SYNE1: variants seen among roughly 807,000 people sequenced by gnomAD.
The protein encoded by SYNE1 is nesprin-1.
In SYNE1, 616 loss-of-function variants were observed where a neutral mutation model predicts 1,111.0. That is an observed-to-expected ratio of 0.55 (90% CI 0.52 to 0.59). The LOEUF (loss-of-function observed/expected upper bound fraction) is 0.59, where lower values mean the gene tolerates loss of function less well. Among genes scored for constraint, SYNE1 ranks in the 20% least tolerant of loss-of-function variants. The pLI, the probability that SYNE1 is intolerant of heterozygous loss-of-function variation, is 0.00. For missense variants in SYNE1, 10,006 were observed against 10,417.0 expected (o/e 0.96, Z 1.72); for synonymous variants, 3,855 against 3,825.8 (o/e 1.01, Z -0.28).
At chr6:152,448,726 C>T (rs1278014282) in intron 28 of SYNE1, among the ~76,000 whole-genome samples, 1 of 152,104 alleles carries the variant, frequency 6.6e-6, no homozygotes, top group Non-Finnish European at 1.5e-5. Context: ...ACTACAGTCC[C>T]AGCTACTCAA....
In SYNE1 at chr6:152,381,150, C is replaced by A. The variant is rs758428038; in HGVS notation, c.8865G>T (p.Glu2955Asp). 2.5e-6 allele frequency: 4 copies of A among 1,614,084 alleles called. No individual in the cohort carries two copies. The highest frequency in any genetic ancestry group is 3.4e-6 in the Non-Finnish European group (4 of 1,180,056). The part of the protein sequence containing the change: ...ENLVSQMALS[E>D]QEFSGQVAQL... ...GAGCCACTTGGCCTGAGAATTCCTG[C>A]TCCGAAAGGGCCATCTGGCTGACCA... The change falls in exon 56 of 146, where the codon GAG (glutamate) becomes GAT (aspartate). Residue 2955 changes from glutamate (E) to aspartate (D), a missense_variant. Around this residue, in one of 7 missense-constraint regions of SYNE1, gnomAD observed 4,955 missense variants for 5,017.2 expected, o/e 0.99. Transcript: ENST00000367255.
intron 3 of SYNE1, among the ~76,000 whole-genome samples, chr6:152,588,846 C>T (rs2099548813): frequency 6.6e-6 from 1 of 152,136 alleles, no homozygotes. Context: ...TGGGAGGGCA[C>T]CCAGCACTAA....
chr6:152,412,832 G>A (rs1192388330), intron 42 of SYNE1, among the ~76,000 whole-genome samples: 1 of 149,340 alleles, frequency 6.7e-6, no homozygotes, highest in African/African-American at 2.5e-5. Context: ...CCTGCTTTAA[G>A]CATTCAATTT....
intron 3 of SYNE1, among the ~76,000 whole-genome samples, chr6:152,550,620 G>T (rs2099339531): frequency 6.6e-6 from 1 of 151,632 alleles, no homozygotes; most frequent in South Asian, 2.1e-4. Context: ...ATGGGCCTCA[G>T]TTTTGTAACT....
intron 98 of SYNE1, chr6:152,277,818 C>T: frequency 1.9e-6 from 1 of 512,850 alleles, no homozygotes; most frequent in Non-Finnish European, 3.6e-6. Context: ...CAGTTCCTCT[C>T]CTCTCATTGT....
chr6:152,180,812 C>T (rs536462173), intron 128 of SYNE1, among the ~76,000 whole-genome samples: 2 of 152,214 alleles, frequency 1.3e-5, no homozygotes, highest in South Asian at 2.1e-4. Context: ...CCAAGCGAAG[C>T]GGCCTGAAAT....
intron 22 of SYNE1, among the ~76,000 whole-genome samples, chr6:152,457,713 A>G (rs1014122296): frequency 6.6e-6 from 1 of 152,024 alleles, no homozygotes. Flanking sequence ...TTATATGTAT[A>G]TAAATATATA....
intron 12 of SYNE1, among the ~76,000 whole-genome samples, chr6:152,486,913 T>C (rs1293879102): frequency 6.6e-6 from 1 of 152,208 alleles, no homozygotes; most frequent in Non-Finnish European, 1.5e-5. Context: ...TGAAATATGA[T>C]GTCGAGTAGA....
chr6:152,431,018 G>T (rs2098423798), intron 34 of SYNE1, among the ~76,000 whole-genome samples: 1 of 152,124 alleles, frequency 6.6e-6, no homozygotes, highest in South Asian at 2.1e-4. Context: ...AAGGTACAGA[G>T]AATTATGTTT....
intron 138 of SYNE1, among the ~76,000 whole-genome samples, 197 bp downstream of exon 138, chr6:152,143,426 G>A (rs554746658): frequency 1.2e-4 from 19 of 152,176 alleles, no homozygotes; most frequent in Admixed American, 2.6e-4. Context: ...CAACAGTTTT[G>A]TGGGCCTAAA....
intron 3 of SYNE1, among the ~76,000 whole-genome samples, chr6:152,579,932 G>A (rs1184254095): frequency 2.6e-5 from 4 of 152,144 alleles, no homozygotes; most frequent in Admixed American, 6.5e-5. Flanking sequence ...TCGATGGGCC[G>A]ATTCCATGTC....
chr6:152,354,778 T>G lies in SYNE1; in HGVS notation c.10807A>C (p.Met3603Leu). The change falls in exon 67 of 146, where the codon ATG becomes CTG. Residue 3603 changes from methionine (M) to leucine (L), a missense_variant. Physicochemically the swap from Met to Leu is conservative, Grantham distance 15. Around this residue, in one of 7 missense-constraint regions of SYNE1, gnomAD observed 4,955 missense variants for 5,017.2 expected, o/e 0.99. Transcript: ENST00000367255. ...TCTACTTGCTGAAACTTTTGCTCCA[T>G]TAGCCTCAATTTGTTCACCACGTTA... ...FNNVVNKLRL[M>L]EQKFQQVDEW... The G allele has an allele frequency of 6.2e-7, 1 of 1,614,254 alleles. No homozygotes were observed. Among genetic ancestry groups the G allele is most frequent in the African/African-American group, 1.3e-5 (1 of 75,068 alleles).
intron 39 of SYNE1, among the ~76,000 whole-genome samples, chr6:152,422,684 T>C (rs997841673): frequency 1.3e-5 from 2 of 151,956 alleles, no homozygotes; most frequent in South Asian, 4.2e-4. Context: ...TTGAAAAAAA[T>C]TTATTGTAAA....
intron 9 of SYNE1, among the ~76,000 whole-genome samples, chr6:152,504,386 A>G (rs960317693): frequency 1.3e-5 from 2 of 152,192 alleles, no homozygotes; most frequent in Admixed American, 1.3e-4. Flanking sequence ...TTTTAGAGCT[A>G]GGGAAGTTCA....
In SYNE1 at chr6:152,458,911, G is replaced by A. The variant is rs201508577; in HGVS notation, c.2414C>T (p.Pro805Leu). 2.7e-5 allele frequency: 43 copies of A among 1,613,936 alleles called. No homozygotes were observed. The East Asian group carries it at 9.1e-4, about 34-fold the overall frequency. Residue 805 changes from proline to leucine, a missense_variant, in exon 22 of 146, where the codon CCA becomes CTA. This residue lies in a region of SYNE1 where 1,971 missense variants were observed against 2,084.1 expected (regional missense o/e 0.95). Transcript: ENST00000367255. ...CAGCTGCTGAGACTCATAAAGGAGTGGGGAGTAACATTCTTTGACCTTTAA... is the reference window on the plus strand; with the variant it reads ...CAGCTGCTGAGACTCATAAAGGAGTAGGGAGTAACATTCTTTGACCTTTAA... ...QLTKVKECYS[P>L]LLYESQQLLI...
At chr6:152,132,940 A>G (rs966950147) in intron 143 of SYNE1, among the ~76,000 whole-genome samples, 1 of 151,886 alleles carries the variant, frequency 6.6e-6, no homozygotes, top group Non-Finnish European at 1.5e-5. Flanking sequence ...TACAAAACTC[A>G]GATACAACAA....
intron 81 of SYNE1, among the ~76,000 whole-genome samples, chr6:152,323,995 A>T (rs940568817): frequency 2.0e-5 from 3 of 149,518 alleles, no homozygotes; most frequent in Admixed American, 6.6e-5. Context: ...AAAAAGCTTT[A>T]AAAAAAAACT....
chr6:152,124,748 T>C (rs1024960308), intron 145 of SYNE1, among the ~76,000 whole-genome samples: 5 of 152,172 alleles, frequency 3.3e-5, no homozygotes, highest in Non-Finnish European at 7.3e-5. Context: ...AAGTATGTCA[T>C]ATACCTTATT....
In SYNE1 at chr6:152,505,289, C is replaced by T; in HGVS notation, c.690G>A (p.Val230=). The change falls in exon 9 of 146, where the codon GTG becomes GTA. Residue 230 remains valine, a synonymous_variant. Coordinates refer to ENST00000367255, the MANE Select transcript of SYNE1 (RefSeq NM_182961.4). ...IRPELVDLET[V]KGRSNRENLE... ...AATTTTCTCGGTTGGATCTGCCTTT[C>T]ACTGTCTCCAAGTCCACCAATTCCG... is the stretch of plus-strand genomic sequence containing the variant. The T allele has an allele frequency of 6.2e-7, 1 of 1,614,126 alleles. No individual in the cohort carries two copies.
Sources: gnomAD v4.1 joint callset for allele counts (sites outside exome capture counted in the v4.1 genomes callset) on GRCh38, gnomAD v4.1.1 for gene constraint, gnomAD v4.1.1 regional missense constraint, MANE v1.5 for transcripts, NCBI Gene and HGNC (gene_info 2026-07-23, HGNC 2026-07-21) for gene names.